N4BP2L2: variants seen among roughly 807,000 people sequenced by gnomAD.
The protein encoded by N4BP2L2 is NEDD4 binding protein 2 like 2, also known as NEDD4-binding protein 2-like 2.
In N4BP2L2, 50 loss-of-function variants were observed where a neutral mutation model predicts 56.2. The ratio of observed to expected loss-of-function variants is 0.89; its 90% CI spans 0.71 to 1.13. N4BP2L2 has a LOEUF of 1.13. Among genes scored for constraint, N4BP2L2 ranks in the 50% most tolerant of loss-of-function variants. The pLI, the probability that N4BP2L2 is intolerant of heterozygous loss-of-function variation, is 0.00. For missense variants in N4BP2L2, 689 were observed against 693.8 expected (o/e 0.99, Z 0.08); for synonymous variants, 203 against 223.6 (o/e 0.91, Z 0.82).
exon 2 of N4BP2L2, chr13:32,537,025 C>A: frequency 1.3e-6 from 2 of 1,520,204 alleles, no homozygotes; most frequent in Non-Finnish European, 8.8e-7. Context: ...CACCATAAGA[C>A]ATCTGAGAAA....
At chr13:32,494,526 G>A (rs895765019) in intron 6 of N4BP2L2, among the ~76,000 whole-genome samples, 1 of 152,086 alleles carries the variant, frequency 6.6e-6, no homozygotes, top group African/African-American at 2.4e-5. Flanking sequence ...CACTTTGGGA[G>A]GCCGAGGCGT....
At chr13:32,451,665 C>T (rs1177621158) in intron 6 of N4BP2L2, among the ~76,000 whole-genome samples, 2 of 151,864 alleles carry the variant, frequency 1.3e-5, no homozygotes, top group East Asian at 1.9e-4. Flanking sequence ...ACCTCAGCTT[C>T]CCATGTAGCT....
intron 6 of N4BP2L2, among the ~76,000 whole-genome samples, chr13:32,487,317 A>T (rs904528685): frequency 6.6e-6 from 1 of 151,694 alleles, no homozygotes; most frequent in Non-Finnish European, 1.5e-5. Context: ...CTACCAAAAA[A>T]GTACAAAAAT....
rs552656614 is a variant in N4BP2L2 at position 32,482,868 on chromosome 13, T to A, written c.365+34989A>T. On this transcript the variant is annotated intron_variant, in intron 6 of 9. Transcript: ENST00000357505. ...TACAAAATTTAAATTTCTCTTACAC[T>A]AATTTCATATGACAATATTACCTTT... 6.6e-5 allele frequency among the ~76,000 whole-genome samples: 10 copies of A among 152,378 alleles called. No individual in the cohort carries two copies. In the East Asian group the frequency reaches 7.7e-4, roughly 12 times the overall value.
chr13:32,489,821 A>G (rs748674242), intron 6 of N4BP2L2, among the ~76,000 whole-genome samples: 11 of 152,046 alleles, frequency 7.2e-5, no homozygotes, highest in Non-Finnish European at 1.6e-4. Context: ...AACACAATAC[A>G]TTGGCAACAT....
intron 6 of N4BP2L2, among the ~76,000 whole-genome samples, chr13:32,491,021 T>C (rs9595628): frequency 0.28 from 42,383 of 151,320 alleles, 6,939 homozygotes; most frequent in Non-Finnish European, 0.37. Context: ...AAAATACTTT[T>C]TTCAGGAGCC....
rs781438752 is a variant in N4BP2L2, at chr13:32,530,126, G to A, written c.1260-2594C>T. Among the ~76,000 whole-genome samples, 7 of 152,048 alleles carry A rather than the reference G, an allele frequency of 4.6e-5. No homozygotes were observed. The South Asian group carries it at 1.5e-3, about 32-fold the overall frequency. ...TTTTCTCAAAATAAAAGGTGGGGGA[G>A]CAATACACCAATTTATATCATTAAA... On this transcript the variant is annotated intron_variant, in intron 2 of 5. Transcript: ENST00000267068.
intron 6 of N4BP2L2, among the ~76,000 whole-genome samples, chr13:32,492,272 A>ATTTTTTTTTTTTTTTTTTTTTTT (rs1185615708): frequency 2.6e-5 from 2 of 77,098 alleles, no homozygotes; most frequent in African/African-American, 1.1e-4. Flanking sequence ...AAAACACCAA[A>ATTTTTTTTTTTTTTTTTTTTTTT]ATTTTTTTTT....
chr13:32,507,274 G>C (rs1265456870), downstream of N4BP2L2: 1 of 152,122 alleles, frequency 6.6e-6, no homozygotes, highest in Non-Finnish European at 1.5e-5. Flanking sequence ...TTTAAGCTTA[G>C]AAGTGGAAAT....
At chr13:32,520,994 C>T (rs1283394082) in intron 5 of N4BP2L2, among the ~76,000 whole-genome samples, 2 of 152,202 alleles carry the variant, frequency 1.3e-5, no homozygotes, top group Admixed American at 1.3e-4. Context: ...CATGCTCCCC[C>T]AAACTCTGAA....
exon 6 of N4BP2L2, chr13:32,516,390 T>A (rs1434958566): frequency 2.6e-5 from 4 of 152,202 alleles, no homozygotes; most frequent in Non-Finnish European, 5.9e-5. Context: ...TTCATTCAAA[T>A]GTTAACAGCA....
intron 3 of N4BP2L2, chr13:32,524,753 T>C (rs2140108431): frequency 6.7e-6 from 1 of 150,000 alleles, no homozygotes; most frequent in African/African-American, 2.5e-5. Context: ...AAATATTCTG[T>C]ACTAGTTTGT....
chr13:32,433,569 G>A (rs563008949), intron 9 of N4BP2L2, among the ~76,000 whole-genome samples: 1 of 152,008 alleles, frequency 6.6e-6, no homozygotes, highest in Admixed American at 6.6e-5. Flanking sequence ...GGAGGTGGAG[G>A]TTGCAGTGAG....
At chr13:32,532,106 TC>T (rs1439765008) in intron 2 of N4BP2L2, among the ~76,000 whole-genome samples, 2 of 152,180 alleles carry the variant, frequency 1.3e-5, no homozygotes, top group African/African-American at 4.8e-5. Context: ...CATTGCAAGA[TC>T]CTTAATCAAA....
intron 6 of N4BP2L2, among the ~76,000 whole-genome samples, chr13:32,476,240 T>C (rs368065186): frequency 6.6e-6 from 1 of 152,230 alleles, no homozygotes; most frequent in Non-Finnish European, 1.5e-5. Context: ...TCAGGGTTTT[T>C]GTAAACTTAG....
intron 6 of N4BP2L2, among the ~76,000 whole-genome samples, chr13:32,485,661 A>G (rs974313441): frequency 1.3e-5 from 2 of 152,256 alleles, no homozygotes; most frequent in African/African-American, 4.8e-5. Flanking sequence ...GTAATAAACC[A>G]TATCAGTAGA....
intron 6 of N4BP2L2, among the ~76,000 whole-genome samples, chr13:32,456,052 A>T (rs2078931561): frequency 6.6e-6 from 1 of 152,216 alleles, no homozygotes; most frequent in Non-Finnish European, 1.5e-5. Context: ...GCACCTGAGC[A>T]AGTGCCTAGA....
At chr13:32,468,571 C>A (rs1477693133) in intron 6 of N4BP2L2, among the ~76,000 whole-genome samples, 2 of 152,194 alleles carry the variant, frequency 1.3e-5, no homozygotes, top group East Asian at 3.9e-4. Context: ...AAATGTATTC[C>A]AATATACTGG....
intron 6 of N4BP2L2, among the ~76,000 whole-genome samples, chr13:32,444,978 G>A (rs945504325): frequency 6.6e-6 from 1 of 152,216 alleles, no homozygotes; most frequent in Non-Finnish European, 1.5e-5. Context: ...GCCAGGCATG[G>A]TGGCTCACGC....
Sources: allele counts gnomAD v4.1 joint callset (sites outside exome capture counted in the v4.1 genomes callset), GRCh38; gene constraint gnomAD v4.1.1; transcripts MANE v1.5; gene names NCBI Gene and HGNC (gene_info 2026-07-23, HGNC 2026-07-21).